Variants in HPSE2 observed in about 807,000 individuals in gnomAD.
The protein encoded by HPSE2 is inactive heparanase-2.
HPSE2 carries 38 observed loss-of-function variants against 60.5 expected under a neutral mutation model. That is an observed-to-expected ratio of 0.63 (90% CI 0.48 to 0.82). The LOEUF (loss-of-function observed/expected upper bound fraction) is 0.82. HPSE2 is among the 40% of genes least tolerant of loss of function. The pLI is 0.00. For missense variants in HPSE2, 713 were observed against 740.4 expected, an observed-to-expected ratio of 0.96 and a Z score of 0.43; for synonymous variants, 295 against 293.2, an observed-to-expected ratio of 1.01 and a Z score of -0.06.
chr10:99,307,681 T>C, the HPSE2 span, among the ~76,000 whole-genome samples: 1 of 152,200 alleles, frequency 6.6e-6, no homozygotes. Context: ...TTCAGGCTCA[T>C]GTTAAACCCA....
rs1324781221 is a variant in HPSE2, at chr10:99,184,797, T to C, written c.449-40398A>G. ...AGAACTATCCAAAATTATATATATATATATATATATATATATATATATAGA... is the reference window on the plus strand; with the variant it reads ...AGAACTATCCAAAATTATATATATACATATATATATATATATATATATAGA... On this transcript the variant is annotated intron_variant, in intron 2 of 11. Transcript: ENST00000370552. Among the ~76,000 whole-genome samples the C allele has an allele frequency of 1.8e-4, 5 of 27,602 alleles. 1 individual carries two copies. Among genetic ancestry groups the C allele is most frequent in the Admixed American group, 4.8e-4 (1 of 2,086 alleles). The allele number at this position is 27,602 out of a possible 152,430, so 18.1% of individuals were successfully genotyped here.
chr10:99,158,492 C>T (rs1230666806), intron 2 of HPSE2, among the ~76,000 whole-genome samples: 1 of 128,426 alleles, frequency 7.8e-6, no homozygotes, highest in Non-Finnish European at 1.6e-5. Flanking sequence ...TCTCAGTAAA[C>T]TATCGCAAGA....
chr10:98,948,520 T>C (rs1222835252), intron 3 of HPSE2, among the ~76,000 whole-genome samples: 1 of 152,150 alleles, frequency 6.6e-6, no homozygotes, highest in Non-Finnish European at 1.5e-5. Flanking sequence ...CAAGACTGCT[T>C]TTGACTTCCT....
intron 3 of HPSE2, among the ~76,000 whole-genome samples, chr10:98,870,621 A>T (rs1952706870): frequency 6.6e-6 from 1 of 152,204 alleles, no homozygotes; most frequent in Non-Finnish European, 1.5e-5. Flanking sequence ...AAGCCTGTAC[A>T]AGTACAGATC....
chr10:98,885,929 A>C (rs879601692), intron 3 of HPSE2, among the ~76,000 whole-genome samples: 1 of 152,100 alleles, frequency 6.6e-6, no homozygotes, highest in Non-Finnish European at 1.5e-5. Context: ...AGACAGTATA[A>C]AATCTGAAAG....
intron 3 of HPSE2, among the ~76,000 whole-genome samples, chr10:99,043,547 A>G (rs1039284827): frequency 6.6e-6 from 1 of 152,198 alleles, no homozygotes; most frequent in Non-Finnish European, 1.5e-5. Context: ...AATGACAAAC[A>G]TATAATTCAG....
chr10:98,830,261 A>AT (rs1951653733), intron 3 of HPSE2, among the ~76,000 whole-genome samples: 1 of 152,226 alleles, frequency 6.6e-6, no homozygotes, highest in Admixed American at 6.5e-5. Context: ...ACAGAAAACA[A>AT]TAAACTCAAT....
intron 3 of HPSE2, among the ~76,000 whole-genome samples, chr10:98,897,183 G>T (rs1033359464): frequency 1.3e-5 from 2 of 152,116 alleles, no homozygotes; most frequent in Non-Finnish European, 2.9e-5. Context: ...GGGACTTGAA[G>T]GGAAGGGTGG....
At chr10:98,928,890 A>G (rs1590097028) in intron 3 of HPSE2, among the ~76,000 whole-genome samples, 1 of 138,514 alleles carries the variant, frequency 7.2e-6, no homozygotes, top group East Asian at 2.1e-4. Context: ...CTAATGCTAG[A>G]TGACGAGGTA....
At chr10:99,182,886 C>T (rs1276647015) in intron 2 of HPSE2, among the ~76,000 whole-genome samples, 1 of 151,924 alleles carries the variant, frequency 6.6e-6, no homozygotes, top group Non-Finnish European at 1.5e-5. Context: ...GTCCCAGCTA[C>T]TCGGGAGGCT....
At chr10:98,570,279 C>G (rs1944457626) in intron 9 of HPSE2, among the ~76,000 whole-genome samples, 1 of 152,118 alleles carries the variant, frequency 6.6e-6, no homozygotes, top group African/African-American at 2.4e-5. Context: ...GTTGTTTGCC[C>G]TTCCTCCTGC....
chr10:99,163,200 G>C (rs1237817597), intron 2 of HPSE2, among the ~76,000 whole-genome samples: 1 of 112,946 alleles, frequency 8.9e-6, no homozygotes, highest in Admixed American at 9.8e-5. Flanking sequence ...GACAGGGCAA[G>C]ACTCCATCTC....
chr10:98,492,510 CAAAA>C (rs10645866), intron 9 of HPSE2, among the ~76,000 whole-genome samples: 2 of 112,148 alleles, frequency 1.8e-5, no homozygotes, highest in African/African-American at 7.0e-5. Context: ...TCAAAAAAGA[CAAAA>C]AAAAAAAAAA....
At chr10:98,939,168 C>T (rs1954908127) in intron 3 of HPSE2, among the ~76,000 whole-genome samples, 1 of 143,862 alleles carries the variant, frequency 7.0e-6, no homozygotes, top group South Asian at 2.1e-4. Flanking sequence ...TAGGAAGAAA[C>T]TGCATCAACT....
chr10:98,971,396 TC>T (rs1955948981), intron 3 of HPSE2, among the ~76,000 whole-genome samples: 1 of 152,102 alleles, frequency 6.6e-6, no homozygotes, highest in Non-Finnish European at 1.5e-5. Flanking sequence ...GCAAAGCCTC[TC>T]TCTTTCATTT....
At chr10:98,463,886 AGGTG>A (rs1267178688) in intron 11 of HPSE2, among the ~76,000 whole-genome samples, 2 of 152,322 alleles carry the variant, frequency 1.3e-5, no homozygotes, top group East Asian at 3.9e-4. Flanking sequence ...TGGGAGGCCA[AGGTG>A]GGTGGATCAC....
chr10:98,854,963 C>T (rs1213895689), intron 3 of HPSE2, among the ~76,000 whole-genome samples: 1 of 152,094 alleles, frequency 6.6e-6, no homozygotes, highest in Non-Finnish European at 1.5e-5. Context: ...ATACGGGAAG[C>T]TATAAAGAAC....
intron 4 of HPSE2, among the ~76,000 whole-genome samples, chr10:98,723,977 T>C (rs1376244299): frequency 1.3e-5 from 2 of 152,212 alleles, no homozygotes; most frequent in Non-Finnish European, 2.9e-5. Context: ...AGTTCTGCTT[T>C]GATCTTAGTT....
chr10:98,584,123 G>T (rs1944875877), intron 9 of HPSE2, among the ~76,000 whole-genome samples: 1 of 152,170 alleles, frequency 6.6e-6, no homozygotes, highest in Non-Finnish European at 1.5e-5. Flanking sequence ...AATCTTACCA[G>T]CGATGTAGGA....
Sources: allele counts gnomAD v4.1 joint callset (sites outside exome capture counted in the v4.1 genomes callset), GRCh38; gene constraint gnomAD v4.1.1; transcripts MANE v1.5; gene names NCBI Gene and HGNC (gene_info 2026-07-23, HGNC 2026-07-21).